Variants in EPC2 observed in about 807,000 individuals in gnomAD.
The protein encoded by EPC2 is enhancer of polycomb homolog 2.
A neutral mutation model predicts 92.1 loss-of-function variants in EPC2; 14 were observed. The ratio of observed to expected loss-of-function variants is 0.15; its 90% CI spans 0.10 to 0.24. The LOEUF (loss-of-function observed/expected upper bound fraction) is 0.24. EPC2 is among the 10% of genes least tolerant of loss of function. The pLI, the probability that EPC2 is intolerant of heterozygous loss-of-function variation, is 1.00. For missense variants in EPC2, 755 were observed against 971.5 expected (o/e 0.78, Z 2.96); for synonymous variants, 340 against 334.7 (o/e 1.02, Z -0.17).
chr2:148,735,431 T>C, intron 2 of EPC2, among the ~76,000 whole-genome samples: 1 of 152,040 alleles, frequency 6.6e-6, no homozygotes, highest in South Asian at 2.1e-4. Context: ...GATTACCTTT[T>C]CCTATCTTTG....
intron 2 of EPC2, among the ~76,000 whole-genome samples, chr2:148,716,355 T>A (rs1347290255): frequency 6.6e-6 from 1 of 152,098 alleles, no homozygotes; most frequent in African/African-American, 2.4e-5. Context: ...ATGTTATTGG[T>A]GGGTTTGTCA....
intron 1 of EPC2, among the ~76,000 whole-genome samples, chr2:148,668,276 C>T (rs957312370): frequency 3.5e-4 from 53 of 152,256 alleles, no homozygotes; most frequent in African/African-American, 1.1e-3. Flanking sequence ...TCAATCCTGC[C>T]TACCTGGAAT....
At chr2:148,656,427 A>G (rs1398239788) in intron 1 of EPC2, among the ~76,000 whole-genome samples, 3 of 152,170 alleles carry the variant, frequency 2.0e-5, no homozygotes, top group Non-Finnish European at 2.9e-5. Flanking sequence ...CAGTGTTTTT[A>G]CTGTAATATT....
intron 6 of EPC2, among the ~76,000 whole-genome samples, chr2:148,764,168 G>A (rs1214697436): frequency 6.6e-6 from 1 of 152,130 alleles, no homozygotes; most frequent in African/African-American, 2.4e-5. Context: ...TGTGTGTACT[G>A]TTTTTGACCT....
At chr2:148,768,531 T>C (rs1281813684) in intron 7 of EPC2, among the ~76,000 whole-genome samples, 1 of 152,174 alleles carries the variant, frequency 6.6e-6, no homozygotes, top group Non-Finnish European at 1.5e-5. Flanking sequence ...GCTTATCTCT[T>C]CTCTATAACC....
At chr2:148,776,930 G>A (rs866253503) in intron 10 of EPC2, among the ~76,000 whole-genome samples, 5 of 144,156 alleles carry the variant, frequency 3.5e-5, no homozygotes, top group Admixed American at 7.4e-5. Context: ...GCACGATTCC[G>A]GCTCACTGCA....
At chr2:148,645,283 T>C (rs1197179736) in intron 1 of EPC2, 113 bp downstream of exon 1, 2 of 960,330 alleles carry the variant, frequency 2.1e-6, no homozygotes, top group Non-Finnish European at 3.1e-6. Flanking sequence ...CCGCTGCCGC[T>C]CTAACGCACG....
intron 10 of EPC2, among the ~76,000 whole-genome samples, chr2:148,775,780 T>TC (rs950667204): frequency 1.6e-5 from 2 of 126,734 alleles, no homozygotes; most frequent in South Asian, 2.8e-4. Context: ...CTTTTCTTTT[T>TC]TTTTTTTTTT....
Position 148,765,163 on chromosome 2 carries a change from AT to A in EPC2, c.1140+21del, listed in dbSNP as rs773386562. On this transcript the variant is annotated intron_variant, in intron 7 of 13. Transcript: ENST00000258484. The stretch of plus-strand genomic sequence containing the variant: ...TTTCCACAGGTGCTTGTTTTAAAAT[AT>A]TTTAAAGATATTTCTTCTTAGTATT... The A allele has an allele frequency of 2.0e-6, 3 of 1,501,010 alleles. No individual in the cohort carries two copies. The highest frequency in any genetic ancestry group is 2.7e-6 in the Non-Finnish European group (3 of 1,117,710). 93.0% of individuals were successfully genotyped at this position (1,501,010 alleles called of 1,614,324 possible).
intron 10 of EPC2, among the ~76,000 whole-genome samples, chr2:148,774,403 G>C (rs1388202540): frequency 1.3e-5 from 2 of 151,790 alleles, no homozygotes; most frequent in Non-Finnish European, 2.9e-5. Context: ...GAGGCAGGTA[G>C]ATCACTTGAG....
At chr2:148,778,307 A>T (rs1050185562) in intron 10 of EPC2, among the ~76,000 whole-genome samples, 7 of 152,184 alleles carry the variant, frequency 4.6e-5, no homozygotes, top group Admixed American at 1.3e-4. Context: ...CCACTTGCCC[A>T]TGGTGCCACG....
intron 13 of EPC2, among the ~76,000 whole-genome samples, chr2:148,785,387 G>A (rs1392969072): frequency 6.6e-6 from 1 of 151,882 alleles, no homozygotes; most frequent in Non-Finnish European, 1.5e-5. Context: ...GAGTGCAATG[G>A]CGCAATCTCA....
chr2:148,648,298 A>C (rs1683848074), intron 1 of EPC2, among the ~76,000 whole-genome samples: 3 of 152,176 alleles, frequency 2.0e-5, no homozygotes, highest in Non-Finnish European at 2.9e-5. Flanking sequence ...AGTGACAGCA[A>C]ATTCATTTCT....
At chr2:148,768,759 G>A (rs188331928) in intron 7 of EPC2, among the ~76,000 whole-genome samples, 6 of 152,142 alleles carry the variant, frequency 3.9e-5, no homozygotes, top group Admixed American at 3.9e-4. Context: ...ATTACAGAGA[G>A]ATAAAGTTAT....
rs1311695187 is a variant in EPC2 at position 148,787,013 on chromosome 2, A to C, written c.*636A>C. On this transcript the variant is annotated 3_prime_UTR_variant, in exon 14 of 14. Transcript: ENST00000258484. ...ACATGCAAATTTAATGTAGTAACTC[A>C]CTTTTCCATATATTTTGAATGTATA... is the stretch of plus-strand genomic sequence containing the variant. The C allele has an allele frequency of 1.3e-5, 2 of 152,636 alleles. No individual in the cohort carries two copies. Among genetic ancestry groups the C allele is most frequent in the Non-Finnish European group, 2.9e-5 (2 of 68,042 alleles). 9.5% of individuals were successfully genotyped at this position (152,636 alleles called of 1,614,324 possible).
At chr2:148,705,647 A>G (rs575454785) in intron 2 of EPC2, among the ~76,000 whole-genome samples, 4 of 152,320 alleles carry the variant, frequency 2.6e-5, no homozygotes, top group African/African-American at 9.6e-5. Context: ...TTAGGCAGCA[A>G]TATTTGTTGT....
At chr2:148,720,654 C>G (rs1045558065) in intron 2 of EPC2, among the ~76,000 whole-genome samples, 4 of 152,154 alleles carry the variant, frequency 2.6e-5, no homozygotes, top group African/African-American at 7.2e-5. Flanking sequence ...CTCCTGATCC[C>G]CGGGTTGCAA....
chr2:148,667,344 T>C (rs568226981), intron 1 of EPC2, among the ~76,000 whole-genome samples: 26 of 152,352 alleles, frequency 1.7e-4, no homozygotes, highest in African/African-American at 5.8e-4. Flanking sequence ...CACACTGTTA[T>C]GTTTCAAACC....
At chr2:148,700,911 C>T (rs1681872602) in intron 2 of EPC2, among the ~76,000 whole-genome samples, 1 of 152,150 alleles carries the variant, frequency 6.6e-6, no homozygotes, top group Admixed American at 6.5e-5. Flanking sequence ...TGTCCATGAA[C>T]ATGGAATATC....
Sources: allele counts gnomAD v4.1 joint callset (sites outside exome capture counted in the v4.1 genomes callset), GRCh38; gene constraint gnomAD v4.1.1; transcripts MANE v1.5; gene names NCBI Gene and HGNC (gene_info 2026-07-23, HGNC 2026-07-21).